The following CDH23 variants were observed in gnomAD, a reference collection of about 807,000 sequenced individuals.
CDH23 encodes the protein cadherin-23.
A neutral mutation model predicts 317.1 loss-of-function variants in CDH23; 189 were observed. That is an observed-to-expected ratio of 0.60 (90% CI 0.53 to 0.67). The LOEUF (loss-of-function observed/expected upper bound fraction) is 0.67. Among genes scored for constraint, CDH23 ranks in the 30% least tolerant of loss-of-function variants. The probability of loss-of-function intolerance (pLI) is 0.00; values close to 1 mark genes in which losing one functional copy is unlikely to be tolerated. For synonymous variants in CDH23, 1,839 were observed against 1,876.8 expected, an observed-to-expected ratio of 0.98 and a Z score of 0.52; for missense variants, 4,401 against 4,592.4, an observed-to-expected ratio of 0.96 and a Z score of 1.20.
At chr10:71,490,967 AC>A (rs1564613153) in intron 3 of CDH23, among the ~76,000 whole-genome samples, 2 of 151,970 alleles carry the variant, frequency 1.3e-5, no homozygotes, top group African/African-American at 4.8e-5. Flanking sequence ...CTGAGATCAC[AC>A]CTCTGCACTC....
At chr10:71,572,434 C>T (rs1857880377) in intron 8 of CDH23, among the ~76,000 whole-genome samples, 1 of 152,224 alleles carries the variant, frequency 6.6e-6, no homozygotes, top group African/African-American at 2.4e-5. Flanking sequence ...CAACTTGCCC[C>T]ACCTCTGCTC....
chr10:71,688,381 G>A (rs1197119150), intron 19 of CDH23, among the ~76,000 whole-genome samples: 2 of 152,394 alleles, frequency 1.3e-5, no homozygotes, highest in East Asian at 3.8e-4. Context: ...GTCATGGATG[G>A]TGGAGTCATG....
chr10:71,687,845 G>C (rs537017900), intron 19 of CDH23, 126 bp downstream of exon 19: 5 of 870,540 alleles, frequency 5.7e-6, no homozygotes, highest in Non-Finnish European at 9.2e-6. Flanking sequence ...CTCTTTCCCC[G>C]GCCAAGCTCC....
intron 11 of CDH23, among the ~76,000 whole-genome samples, chr10:71,639,209 C>G (rs990786975): frequency 2.0e-5 from 3 of 152,232 alleles, no homozygotes; most frequent in Admixed American, 2.0e-4. Flanking sequence ...ATTTAATCCA[C>G]AGGCTCCTCT....
chr10:71,464,891 G>A (rs1367462691), intron 3 of CDH23, among the ~76,000 whole-genome samples: 2 of 152,200 alleles, frequency 1.3e-5, no homozygotes, highest in Non-Finnish European at 2.9e-5. Flanking sequence ...CCTTCTGACT[G>A]TGTCCCATAG....
At chr10:71,473,400 C>G (rs1179262140) in intron 3 of CDH23, among the ~76,000 whole-genome samples, 1 of 152,202 alleles carries the variant, frequency 6.6e-6, no homozygotes, top group Non-Finnish European at 1.5e-5. Flanking sequence ...TAAGTATTTG[C>G]TGATCACCTA....
chr10:71,564,812 T>C (rs1857310458), intron 6 of CDH23, among the ~76,000 whole-genome samples: 1 of 152,256 alleles, frequency 6.6e-6, no homozygotes, highest in Admixed American at 6.5e-5. Flanking sequence ...GTGAAGCTGT[T>C]GAGTCCTGTG....
intron 3 of CDH23, among the ~76,000 whole-genome samples, chr10:71,505,998 A>G (rs1487771455): frequency 6.6e-6 from 1 of 152,242 alleles, no homozygotes; most frequent in African/African-American, 2.4e-5. Context: ...CTGTCAACTG[A>G]TCAATGAATG....
intron 11 of CDH23, among the ~76,000 whole-genome samples, chr10:71,633,412 A>C (rs995181212): frequency 6.6e-6 from 1 of 151,930 alleles, no homozygotes; most frequent in Non-Finnish European, 1.5e-5. Flanking sequence ...GCCAATACAC[A>C]TACACGCCCC....
At position 71,751,837 on chromosome 10, in the gene CDH23, G is replaced by A. The variant is rs201880754; in HGVS notation, c.4845+9916G>A. 1.1e-5 allele frequency: 17 copies of A among 1,563,658 alleles called. No individual in the cohort carries two copies. Among genetic ancestry groups the A allele is most frequent in the Non-Finnish European group, 1.2e-5 (14 of 1,154,756 alleles). ...GGGCAGGTGGTGAGGCTTCAAAGCC[G>A]GGGTTTTCAATCCCTTGAATGTTGC... On this transcript the variant is annotated intron_variant, in intron 38 of 69. Coordinates refer to ENST00000224721, the MANE Select transcript of CDH23 (RefSeq NM_022124.6). The surrounding 1 kb of genome is among the most constrained non-coding windows in gnomAD (Gnocchi z 4.9).
In CDH23 at chr10:71,510,205, G is replaced by A. The variant is rs397517317; in HGVS notation, c.269G>A (p.Arg90Gln). The change falls in exon 4 of 70, where the codon CGG becomes CAG. Residue 90 changes from arginine to glutamine, a missense_variant. This residue lies in a region of CDH23 where 3,068 missense variants were observed against 3,203.3 expected (regional missense o/e 0.96). Transcript: ENST00000224721. ...VEPDTGVVWL[R>Q]QPLDRETKSE... ...CCTGACACTGGCGTGGTGTGGCTCCGGCAGCCACTGGACAGAGAGGTATGA... is the reference window on the plus strand; with the variant it reads ...CCTGACACTGGCGTGGTGTGGCTCCAGCAGCCACTGGACAGAGAGGTATGA... The A allele has an allele frequency of 2.0e-5, 32 of 1,613,694 alleles. No individual in the cohort carries two copies. The highest frequency in any genetic ancestry group is 7.7e-5 in the South Asian group (7 of 91,074).
intron 14 of CDH23, among the ~76,000 whole-genome samples, chr10:71,662,699 C>T (rs1332128857): frequency 5.3e-5 from 8 of 152,184 alleles, no homozygotes; most frequent in Admixed American, 5.2e-4. Context: ...CATCCCAACT[C>T]GATAACTGGC....
rs1841245070 is a variant in CDH23, at chr10:71,791,341, C to T, written c.6253+6C>T. On this transcript the variant is annotated splice_donor_region_variant and intron_variant, in intron 47 of 69. Coordinates refer to ENST00000224721, the MANE Select transcript of CDH23 (RefSeq NM_022124.6). ...GCTAGAGAACTGCCCGCCTGGTAAG[C>T]AGGGGACAGGCCCCAGCACCCCACA... is the stretch of plus-strand genomic sequence containing the variant. 1.2e-6 allele frequency: 2 copies of T among 1,612,034 alleles called. No individual in the cohort carries two copies. The highest frequency in any genetic ancestry group is 1.7e-6 in the Non-Finnish European group (2 of 1,179,046).
intron 3 of CDH23, among the ~76,000 whole-genome samples, chr10:71,494,595 CAG>C (rs1852852139): frequency 3.9e-5 from 6 of 152,210 alleles, no homozygotes; most frequent in Admixed American, 3.9e-4. Flanking sequence ...AAGTGCTTAA[CAG>C]AGTGTCTCCC....
intron 9 of CDH23, among the ~76,000 whole-genome samples, chr10:71,590,461 A>T (rs575499713): frequency 1.8e-4 from 27 of 152,154 alleles, no homozygotes; most frequent in Admixed American, 1.6e-3. Context: ...GTTCGTGAGG[A>T]TCTCCCCGCC....
At chr10:71,438,046 A>C (rs995899038) in intron 1 of CDH23, among the ~76,000 whole-genome samples, 2 of 152,170 alleles carry the variant, frequency 1.3e-5, no homozygotes, top group Admixed American at 6.5e-5. Flanking sequence ...ACATCTTAGA[A>C]TCTTTTGTGT....
intron 38 of CDH23, among the ~76,000 whole-genome samples, chr10:71,756,153 C>G (rs1338977892): frequency 6.6e-6 from 1 of 151,842 alleles, no homozygotes; most frequent in Non-Finnish European, 1.5e-5. Flanking sequence ...ATTAAACTAC[C>G]AAAAAAAGTA....
intron 60 of CDH23, among the ~76,000 whole-genome samples, chr10:71,809,115 T>C (rs1181735936): frequency 2.6e-5 from 4 of 152,032 alleles, no homozygotes; most frequent in Non-Finnish European, 5.9e-5. Flanking sequence ...GAGAAGACTA[T>C]GCTGTACCAC....
intron 11 of CDH23, among the ~76,000 whole-genome samples, chr10:71,624,485 G>T (rs10999919): frequency 2.0e-5 from 3 of 152,094 alleles, no homozygotes; most frequent in Non-Finnish European, 4.4e-5. Flanking sequence ...CTCACAGAGC[G>T]TCTATCAGGA....
Sources: gnomAD v4.1 joint callset for allele counts (sites outside exome capture counted in the v4.1 genomes callset) on GRCh38, gnomAD v4.1.1 for gene constraint, gnomAD v4.1.1 regional missense constraint, Gnocchi (gnomAD v3.1) non-coding constraint, MANE v1.5 for transcripts, NCBI Gene and HGNC (gene_info 2026-07-23, HGNC 2026-07-21) for gene names.